Variants in NRXN3 observed in about 807,000 individuals in gnomAD.
The protein encoded by NRXN3 is neurexin 3.
Under a neutral mutation model 137.6 loss-of-function variants are expected in NRXN3, and 32 were observed. The ratio of observed to expected loss-of-function variants is 0.23; its 90% CI spans 0.18 to 0.31. NRXN3 has a LOEUF of 0.31. Among genes scored for constraint, NRXN3 ranks in the 10% least tolerant of loss-of-function variants. The pLI, the probability that NRXN3 is intolerant of heterozygous loss-of-function variation, is 1.00. For synonymous variants in NRXN3, 798 were observed against 784.5 expected (o/e 1.02, Z -0.29); for missense variants, 1,574 against 2,062.5 (o/e 0.76, Z 4.59).
chr14:79,851,770 C>A (rs2099391922), intron 20 of NRXN3, among the ~76,000 whole-genome samples: 1 of 152,118 alleles, frequency 6.6e-6, no homozygotes, highest in Admixed American at 6.6e-5. Flanking sequence ...CTAAAAATTC[C>A]TTCCCTCTGT....
At chr14:79,193,729 A>G (rs1021287279) in intron 15 of NRXN3, among the ~76,000 whole-genome samples, 14 of 152,232 alleles carry the variant, frequency 9.2e-5, no homozygotes, top group Non-Finnish European at 7.3e-5. Context: ...AGTAAAGGAA[A>G]GAGAAAGAAA....
intron 15 of NRXN3, chr14:79,280,398 C>T: frequency 6.2e-7 from 1 of 1,614,102 alleles, no homozygotes; most frequent in Non-Finnish European, 8.5e-7. Context: ...GTATGGAGTT[C>T]TTCTAATGTA....
intron 15 of NRXN3, among the ~76,000 whole-genome samples, chr14:79,073,659 C>T (rs1476390667): frequency 2.6e-5 from 4 of 152,152 alleles, no homozygotes; most frequent in African/African-American, 9.7e-5. Flanking sequence ...TGCAACTGTT[C>T]CCAGCCCTTC....
intron 16 of NRXN3, among the ~76,000 whole-genome samples, chr14:79,579,614 GAAATTGTTT>G (rs1219755989): frequency 2.0e-5 from 3 of 151,944 alleles, no homozygotes; most frequent in Admixed American, 2.0e-4. Context: ...AATGTCTGTA[GAAATTGTTT>G]AGAATTTTGA....
intron 15 of NRXN3, among the ~76,000 whole-genome samples, chr14:79,196,975 G>A (rs950129456): frequency 3.9e-5 from 6 of 152,106 alleles, no homozygotes; most frequent in African/African-American, 1.4e-4. Context: ...GCTCACTCAA[G>A]GGTCTGGGGG....
intron 15 of NRXN3, among the ~76,000 whole-genome samples, chr14:79,177,043 T>C (rs974178684): frequency 6.6e-6 from 1 of 152,192 alleles, no homozygotes; most frequent in Non-Finnish European, 1.5e-5. Flanking sequence ...GAAATAGCTC[T>C]AGAGAAAAAT....
chr14:78,335,887 G>C (rs1304164404), intron 4 of NRXN3, among the ~76,000 whole-genome samples: 1 of 152,208 alleles, frequency 6.6e-6, no homozygotes, highest in Non-Finnish European at 1.5e-5. Flanking sequence ...AGTCTAGAGA[G>C]AGCATCGCTA....
intron 17 of NRXN3, among the ~76,000 whole-genome samples, chr14:79,678,404 G>A (rs988758014): frequency 5.3e-5 from 8 of 152,072 alleles, no homozygotes; most frequent in African/African-American, 1.9e-4. Flanking sequence ...CTGAATAATA[G>A]GACTTGAACC....
chr14:78,825,196 C>CAAAAAAAAAA (rs11335474), intron 10 of NRXN3, among the ~76,000 whole-genome samples: 9 of 75,758 alleles, frequency 1.2e-4, no homozygotes, highest in Non-Finnish European at 1.6e-4. Context: ...GACTCTGCCT[C>CAAAAAAAAAA]AAAAAAAAAA....
chr14:79,554,996 G>A (rs1401659840), intron 16 of NRXN3, among the ~76,000 whole-genome samples: 1 of 152,128 alleles, frequency 6.6e-6, no homozygotes, highest in African/African-American at 2.4e-5. Flanking sequence ...TACACTATGT[G>A]CTAACAATTA....
chr14:79,193,049 G>A (rs373520613), intron 15 of NRXN3, among the ~76,000 whole-genome samples: 10 of 151,926 alleles, frequency 6.6e-5, no homozygotes, highest in South Asian at 2.1e-4. Flanking sequence ...GATTACAGGC[G>A]TGAGCCACCA....
intron 4 of NRXN3, among the ~76,000 whole-genome samples, chr14:78,631,127 G>T (rs568918511): frequency 6.6e-6 from 1 of 152,032 alleles, no homozygotes; most frequent in Non-Finnish European, 1.5e-5. Flanking sequence ...CCAAGTTTCC[G>T]GGCCTGTAAA....
chr14:78,933,127 G>GT (rs1368068391), intron 10 of NRXN3, among the ~76,000 whole-genome samples: 17 of 152,214 alleles, frequency 1.1e-4, no homozygotes, highest in African/African-American at 4.1e-4. Context: ...AAATGATGAA[G>GT]TTACTTCTCT....
intron 20 of NRXN3, 42 bp downstream of exon 20, chr14:79,805,232 T>A: frequency 1.3e-6 from 2 of 1,510,468 alleles, no homozygotes; most frequent in Non-Finnish European, 9.2e-7. Flanking sequence ...TCTTTTTTCT[T>A]TTGCAAAAAA....
intron 19 of NRXN3, among the ~76,000 whole-genome samples, chr14:79,771,778 C>A (rs2099079449): frequency 3.3e-5 from 3 of 91,906 alleles, no homozygotes; most frequent in African/African-American, 1.4e-4. Flanking sequence ...CTGGCCAGGG[C>A]AATTAGGCAG....
At chr14:78,805,161 T>C (rs1021286872) in intron 9 of NRXN3, among the ~76,000 whole-genome samples, 3 of 152,066 alleles carry the variant, frequency 2.0e-5, no homozygotes, top group Non-Finnish European at 2.9e-5. Context: ...TCTTTAGTTA[T>C]GTCTTTTTTT....
intron 3 of NRXN3, among the ~76,000 whole-genome samples, chr14:78,288,247 T>G (rs2075403534): frequency 1.3e-5 from 2 of 152,206 alleles, no homozygotes; most frequent in South Asian, 4.1e-4. Flanking sequence ...CCAAAAGTGC[T>G]GGGATTACAG....
chr14:78,778,809 TTTCTTTCTTTC>T (rs2098757646), intron 8 of NRXN3, among the ~76,000 whole-genome samples: 1 of 123,772 alleles, frequency 8.1e-6, no homozygotes. Flanking sequence ...TCTTTCTTTC[TTTCTTTCTTTC>T]TTTTCCTTCT....
intron 4 of NRXN3, among the ~76,000 whole-genome samples, chr14:78,413,692 A>C (rs2153667240): frequency 6.6e-6 from 1 of 152,338 alleles, no homozygotes; most frequent in Admixed American, 6.5e-5. Context: ...TCTGCAGAGA[A>C]GGATGAGGTG....
Sources: gnomAD v4.1 joint callset for allele counts (sites outside exome capture counted in the v4.1 genomes callset) on GRCh38, gnomAD v4.1.1 for gene constraint, MANE v1.5 for transcripts, NCBI Gene and HGNC (gene_info 2026-07-23, HGNC 2026-07-21) for gene names.